Variants in SGCD observed in about 807,000 individuals in gnomAD.
SGCD encodes the protein delta-sarcoglycan.
SGCD carries 18 observed loss-of-function variants against 36.6 expected under a neutral mutation model. That is an observed-to-expected ratio of 0.49 (90% CI 0.34 to 0.73). SGCD has a LOEUF of 0.73. SGCD is among the 30% of genes least tolerant of loss of function. SGCD has a pLI of 0.01. For missense variants in SGCD, 387 were observed against 346.7 expected, an observed-to-expected ratio of 1.12 and a Z score of -0.92; for synonymous variants, 133 against 130.6, an observed-to-expected ratio of 1.02 and a Z score of -0.12.
chr5:156,069,803 T>C (rs931261156), intron 1 of SGCD, among the ~76,000 whole-genome samples: 6 of 152,038 alleles, frequency 3.9e-5, no homozygotes, highest in South Asian at 2.1e-4. Context: ...TCTTTTATTT[T>C]GTTGAGCAGT....
intron 1 of SGCD, among the ~76,000 whole-genome samples, chr5:155,934,286 T>C (rs1157486365): frequency 6.6e-6 from 1 of 152,234 alleles, no homozygotes; most frequent in East Asian, 1.9e-4. Flanking sequence ...TTTATTTTCC[T>C]TGATGAGCAG....
intron 3 of SGCD, among the ~76,000 whole-genome samples, chr5:156,278,272 C>T (rs1422793061): frequency 6.6e-6 from 1 of 152,054 alleles, no homozygotes; most frequent in Admixed American, 6.6e-5. Context: ...GAGCCTTGGG[C>T]ATGTTCTAAA....
At chr5:156,440,413 T>A (rs1240501665) in intron 3 of SGCD, among the ~76,000 whole-genome samples, 1 of 152,200 alleles carries the variant, frequency 6.6e-6, no homozygotes, top group African/African-American at 2.4e-5. Context: ...TTATAAATAA[T>A]GCTGCGATGA....
At chr5:155,862,794 A>C in the SGCD span, among the ~76,000 whole-genome samples, 1 of 152,216 alleles carries the variant, frequency 6.6e-6, no homozygotes, top group Non-Finnish European at 1.5e-5. Flanking sequence ...ACTTGTCCAC[A>C]TACCTTTAAA....
At chr5:156,200,579 A>G (rs768505518) in intron 3 of SGCD, among the ~76,000 whole-genome samples, 2 of 152,178 alleles carry the variant, frequency 1.3e-5, no homozygotes, top group South Asian at 4.1e-4. Flanking sequence ...CATGGCAGAA[A>G]ATGTTCAGGA....
chr5:156,285,883 A>G (rs1033731019), intron 3 of SGCD, among the ~76,000 whole-genome samples: 7 of 152,216 alleles, frequency 4.6e-5, no homozygotes, highest in African/African-American at 1.7e-4. Context: ...CAGAGTGAAC[A>G]GGCAACCTAC....
chr5:155,853,048 A>T, the SGCD span, among the ~76,000 whole-genome samples: 1 of 149,558 alleles, frequency 6.7e-6, no homozygotes, highest in Non-Finnish European at 1.5e-5. Context: ...CCAAGCTCTA[A>T]GACTGGAAGA....
At chr5:156,451,028 T>C (rs1393824413) in intron 3 of SGCD, among the ~76,000 whole-genome samples, 6 of 152,008 alleles carry the variant, frequency 3.9e-5, no homozygotes, top group Admixed American at 6.6e-5. Context: ...TACTTTCTTT[T>C]TTCCTTTCTT....
At chr5:155,781,971 C>A in the SGCD span, among the ~76,000 whole-genome samples, 1 of 151,448 alleles carries the variant, frequency 6.6e-6, no homozygotes, top group African/African-American at 2.4e-5. Context: ...GATGGAGTAA[C>A]TACAGGTTTT....
At position 156,102,738 on chromosome 5, in the gene SGCD, A is replaced by G. The variant is rs182847700; in HGVS notation, c.-281-15140A>G. Among the ~76,000 whole-genome samples the G allele has an allele frequency of 1.5e-4, 23 of 152,326 alleles. No individual in the cohort carries two copies. In the East Asian group the frequency reaches 4.4e-3, roughly 29 times the overall value. ...TTGTTCTATCTCTCTTTCATAAAGC[A>G]ATTATAGTTTATATAGGGTATTACA... On this transcript the variant is annotated intron_variant, in intron 1 of 9. Coordinates refer to the SGCD transcript ENST00000517913.
intron 3 of SGCD, among the ~76,000 whole-genome samples, chr5:156,162,861 C>G (rs1382003248): frequency 1.3e-5 from 2 of 151,596 alleles, no homozygotes; most frequent in African/African-American, 4.9e-5. Context: ...AAATCCTTAA[C>G]TTGAATGGGT....
the SGCD span, among the ~76,000 whole-genome samples, chr5:155,813,523 T>A: frequency 6.6e-6 from 1 of 152,196 alleles, no homozygotes; most frequent in Non-Finnish European, 1.5e-5. Flanking sequence ...GCCCTAAATA[T>A]GATCACTGAG....
intron 7 of SGCD, among the ~76,000 whole-genome samples, chr5:156,726,867 C>T (rs993161872): frequency 6.6e-6 from 1 of 152,180 alleles, no homozygotes; most frequent in African/African-American, 2.4e-5. Context: ...TGCTACATAT[C>T]TGTATGATTG....
intron 6 of SGCD, among the ~76,000 whole-genome samples, chr5:156,623,295 G>T (rs746803457): frequency 3.9e-5 from 6 of 152,304 alleles, no homozygotes; most frequent in African/African-American, 9.6e-5. Flanking sequence ...GGACCAGCAA[G>T]ATCTAATTTG....
At chr5:155,984,201 A>T (rs761804978) in intron 1 of SGCD, among the ~76,000 whole-genome samples, 10 of 152,172 alleles carry the variant, frequency 6.6e-5, no homozygotes, top group Non-Finnish European at 1.2e-4. Context: ...GTATTCACTT[A>T]TTTACTCAGC....
intron 1 of SGCD, among the ~76,000 whole-genome samples, chr5:155,928,116 A>T (rs983014375): frequency 2.6e-5 from 4 of 152,188 alleles, no homozygotes; most frequent in African/African-American, 9.7e-5. Flanking sequence ...ATATTTCATG[A>T]TCCTTGCCCT....
At chr5:156,548,520 T>G (rs1240939726) in intron 4 of SGCD, among the ~76,000 whole-genome samples, 1 of 152,200 alleles carries the variant, frequency 6.6e-6, no homozygotes, top group Non-Finnish European at 1.5e-5. Context: ...TATAGATAAT[T>G]AAGTCATAGT....
intron 1 of SGCD, among the ~76,000 whole-genome samples, chr5:155,986,835 G>A (rs145976597): frequency 2.3e-3 from 345 of 152,194 alleles, no homozygotes; most frequent in African/African-American, 7.8e-3. Flanking sequence ...TCAAATCAAA[G>A]TAACAACTAT....
chr5:156,186,411 C>G (rs985709927), intron 3 of SGCD, among the ~76,000 whole-genome samples: 1 of 152,110 alleles, frequency 6.6e-6, no homozygotes, highest in Non-Finnish European at 1.5e-5. Context: ...TCATCCCTAC[C>G]GTTCAAGTAC....
Sources: allele counts gnomAD v4.1 joint callset (sites outside exome capture counted in the v4.1 genomes callset), GRCh38; gene constraint gnomAD v4.1.1; transcripts MANE v1.5; gene names NCBI Gene and HGNC (gene_info 2026-07-23, HGNC 2026-07-21).